The following TRPC4 variants were observed in gnomAD, a reference collection of about 807,000 sequenced individuals.
TRPC4 encodes the protein short transient receptor potential channel 4.
In TRPC4, 49 loss-of-function variants were observed where a neutral mutation model predicts 99.4. The ratio of observed to expected loss-of-function variants is 0.49; its 90% CI spans 0.39 to 0.63. The LOEUF (loss-of-function observed/expected upper bound fraction) is 0.63, where lower values mean the gene tolerates loss of function less well. TRPC4 is among the 20% of genes least tolerant of loss of function. TRPC4 has a pLI of 0.00. For synonymous variants in TRPC4, 454 were observed against 425.9 expected (o/e 1.07, Z -0.81); for missense variants, 898 against 1,152.9 (o/e 0.78, Z 3.20).
Position 37,652,899 on chromosome 13 carries a change from A to G in TRPC4, c.1885-1440T>C, listed in dbSNP as rs1400935359. Among the ~76,000 whole-genome samples, 5 of 152,146 alleles carry G rather than the reference A, an allele frequency of 3.3e-5. No individual in the cohort carries two copies. In the South Asian group the frequency reaches 8.3e-4, roughly 25 times the overall value. On this transcript the variant is annotated intron_variant, in intron 7 of 10. Transcript: ENST00000379705. ...TTAGGATTTTAAGAGGGTCTATAAC[A>G]TAGTCTATGGTGCTTAGAAAATCTG...
intron 1 of TRPC4, among the ~76,000 whole-genome samples, chr13:37,802,425 C>G (rs1957428791): frequency 6.6e-6 from 1 of 152,020 alleles, no homozygotes; most frequent in Admixed American, 6.6e-5. Context: ...CTTTGATGAC[C>G]TTGGTACTTT....
intron 6 of TRPC4, among the ~76,000 whole-genome samples, chr13:37,656,119 C>T (rs1952226716): frequency 6.6e-6 from 1 of 151,956 alleles, no homozygotes; most frequent in South Asian, 2.1e-4. Flanking sequence ...TGAACTCTGG[C>T]TATTTTATTG....
intron 1 of TRPC4, among the ~76,000 whole-genome samples, chr13:37,826,705 C>T (rs1043474718): frequency 1.1e-4 from 16 of 152,248 alleles, no homozygotes; most frequent in Admixed American, 3.3e-4. Context: ...CTGCCCTTAA[C>T]ATTTTTTCCT....
At chr13:37,733,983 T>A (rs1955319336) in intron 3 of TRPC4, among the ~76,000 whole-genome samples, 1 of 152,076 alleles carries the variant, frequency 6.6e-6, no homozygotes, top group African/African-American at 2.4e-5. Flanking sequence ...GGTGATAATA[T>A]GAGCTGAGAC....
chr13:37,859,643 G>A (rs1021966965), intron 1 of TRPC4, among the ~76,000 whole-genome samples: 17 of 151,214 alleles, frequency 1.1e-4, no homozygotes, highest in African/African-American at 4.1e-4. Context: ...GCTAATGAAA[G>A]TAACTTTAAA....
At chr13:37,662,929 A>C (rs1409180808) in intron 6 of TRPC4, among the ~76,000 whole-genome samples, 2 of 152,194 alleles carry the variant, frequency 1.3e-5, no homozygotes, top group African/African-American at 4.8e-5. Context: ...TTAGTCTTAG[A>C]TTTCCATTTG....
chr13:37,711,481 C>T (rs1267580186), intron 3 of TRPC4, among the ~76,000 whole-genome samples: 1 of 151,750 alleles, frequency 6.6e-6, no homozygotes, highest in African/African-American at 2.4e-5. Flanking sequence ...TTAAAGATTC[C>T]TGAATTCTGT....
chr13:37,864,132 T>C (rs1012859310), intron 1 of TRPC4, among the ~76,000 whole-genome samples: 7 of 151,714 alleles, frequency 4.6e-5, no homozygotes, highest in Non-Finnish European at 1.0e-4. Context: ...GAACATCATG[T>C]ATTGTCAAGT....
intron 2 of TRPC4, among the ~76,000 whole-genome samples, chr13:37,750,246 T>G (rs1955896432): frequency 2.0e-5 from 3 of 152,130 alleles, no homozygotes; most frequent in Non-Finnish European, 4.4e-5. Context: ...TGGTTTCCAG[T>G]CTGGGGCCAT....
intron 1 of TRPC4, among the ~76,000 whole-genome samples, chr13:37,821,408 A>G (rs143431959): frequency 3.9e-4 from 60 of 152,320 alleles, no homozygotes; most frequent in African/African-American, 1.3e-3. Flanking sequence ...TTATAGATTC[A>G]ATGCTATTCC....
intron 1 of TRPC4, among the ~76,000 whole-genome samples, chr13:37,822,020 G>C (rs1958026226): frequency 6.6e-6 from 1 of 151,966 alleles, no homozygotes; most frequent in South Asian, 2.1e-4. Context: ...AGATTAAACA[G>C]ACAACCTACA....
intron 2 of TRPC4, among the ~76,000 whole-genome samples, chr13:37,774,068 C>T (rs1056508382): frequency 2.0e-5 from 3 of 151,592 alleles, no homozygotes; most frequent in African/African-American, 7.3e-5. Flanking sequence ...ATCTCCAAGT[C>T]AAATGAATGT....
rs117176077 is a variant in TRPC4, at chr13:37,821,099, T to C, written c.-27-37739A>G. Among the ~76,000 whole-genome samples the C allele has an allele frequency of 8.9e-3, 1,351 of 151,772 alleles. 34 individuals carry two copies. In the East Asian group the frequency reaches 0.1, roughly 11 times the overall value. On this transcript the variant is annotated intron_variant, in intron 1 of 10. Coordinates refer to ENST00000379705, the MANE Select transcript of TRPC4 (RefSeq NM_016179.4). ...CAACTTCAGCAAAGTTTTGGGATAT[T>C]AAATTATTGTACAAAAACCAATAGC...
chr13:37,828,853 G>T (rs1345901077), intron 1 of TRPC4, among the ~76,000 whole-genome samples: 1 of 152,070 alleles, frequency 6.6e-6, no homozygotes, highest in African/African-American at 2.4e-5. Flanking sequence ...GTGGGACTAG[G>T]GTGAGGATTG....
intron 1 of TRPC4, among the ~76,000 whole-genome samples, chr13:37,865,765 G>A (rs562890383): frequency 3.3e-5 from 5 of 151,662 alleles, no homozygotes; most frequent in Non-Finnish European, 5.9e-5. Context: ...TCAGGTAGAC[G>A]TAGTACCTGA....
rs1555247540 is a variant in TRPC4, at chr13:37,637,240, G to A, written c.2597C>T (p.Ser866Phe). 6.2e-6 allele frequency: 10 copies of A among 1,613,882 alleles called. No homozygotes were observed. ...AAEQNANQIF[S>F]VSEEVARQQA... ...TTGACGAGCAACTTCTTCTGAAACA[G>A]AGAAGATTTGGTTTGCATTTTGCTC... Residue 866 changes from serine (S) to phenylalanine (F), a missense_variant, in exon 11 of 11, where the codon TCT (serine) becomes TTT (phenylalanine). Ser to Phe is a radical substitution (Grantham distance 155, BLOSUM62 -2). Coordinates refer to ENST00000379705, the MANE Select transcript of TRPC4 (RefSeq NM_016179.4).
chr13:37,849,742 C>T (rs1488568157), intron 1 of TRPC4, among the ~76,000 whole-genome samples: 1 of 152,164 alleles, frequency 6.6e-6, no homozygotes, highest in Non-Finnish European at 1.5e-5. Flanking sequence ...CACTGACAAC[C>T]TAACTTTTAC....
chr13:37,651,931 G>A (rs562569347), intron 7 of TRPC4, among the ~76,000 whole-genome samples: 23 of 152,322 alleles, frequency 1.5e-4, no homozygotes, highest in East Asian at 5.8e-4. Context: ...ATGTTTTCAT[G>A]TGAATATTAT....
At chr13:37,640,412 A>G (rs979287336) in intron 8 of TRPC4, among the ~76,000 whole-genome samples, 5 of 152,208 alleles carry the variant, frequency 3.3e-5, no homozygotes, top group Admixed American at 2.6e-4. Context: ...AGAAAATGCT[A>G]TTTTCACTGG....
Sources: gnomAD v4.1 joint callset for allele counts (sites outside exome capture counted in the v4.1 genomes callset) on GRCh38, gnomAD v4.1.1 for gene constraint, MANE v1.5 for transcripts, NCBI Gene and HGNC (gene_info 2026-07-23, HGNC 2026-07-21) for gene names.